DLL1: variants seen among roughly 807,000 people sequenced by gnomAD.
The protein encoded by DLL1 is delta like canonical Notch ligand 1.
DLL1 carries 9 observed loss-of-function variants against 75.1 expected under a neutral mutation model. That is an observed-to-expected ratio of 0.12 (90% CI 0.07 to 0.21). The LOEUF is 0.21. Among genes scored for constraint, DLL1 ranks in the 10% least tolerant of loss-of-function variants. The pLI is 1.00. For missense variants in DLL1, 837 were observed against 1,007.6 expected, an observed-to-expected ratio of 0.83 and a Z score of 2.29; for synonymous variants, 477 against 418.3, an observed-to-expected ratio of 1.14 and a Z score of -1.71.
rs1783630989 is a variant in DLL1 at position 170,283,838 on chromosome 6, G to A, written c.1441C>T (p.Pro481Ser). The change falls in exon 9 of 11, where the codon CCC (proline) becomes TCC (serine). Residue 481 changes from proline to serine, a missense_variant. Physicochemically the swap from Pro to Ser is moderately conservative, Grantham distance 74. Around this residue, in one of 2 missense-constraint regions of DLL1, gnomAD observed 533 missense variants for 545.7 expected, o/e 0.98. Coordinates refer to ENST00000366756, the MANE Select transcript of DLL1 (RefSeq NM_005618.4). The stretch of plus-strand genomic sequence containing the variant: ...GGTGCGTGCTCGCACCTGCTGACGG[G>A]GGCACTGCAGTTCCTGCCCGTGTAG... ...PGYTGRNCSA[P>S]VSRCEHAPCH... The A allele has an allele frequency of 6.2e-7, 1 of 1,603,510 alleles. No individual in the cohort carries two copies. Among genetic ancestry groups the A allele is most frequent in the Admixed American group, 1.7e-5 (1 of 59,646 alleles).
In DLL1 at chr6:170,289,544, G is replaced by T; in HGVS notation, c.319C>A (p.Pro107Thr). The T allele has an allele frequency of 6.5e-7, 1 of 1,535,098 alleles. No homozygotes were observed. Among genetic ancestry groups the T allele is most frequent in the Non-Finnish European group, 8.7e-7 (1 of 1,146,444 alleles). Residue 107 changes from proline to threonine, a missense_variant, in exon 2 of 11, where the codon CCC (proline) becomes ACC (threonine). Pro to Thr is a conservative substitution (Grantham distance 38). Coordinates refer to ENST00000366756, the MANE Select transcript of DLL1 (RefSeq NM_005618.4). ...GTGAAGCCGAAGGGGAAGCGGATGG[G>T]GTTGCTGAACGCGGAGTCGGCGCCC... ...GGGADSAFSN[P>T]IRFPFGFTWP... is the part of the protein sequence containing the mutation.
In DLL1 at chr6:170,283,394, T is replaced by C. The variant is rs940096863; in HGVS notation, c.1885A>G (p.Lys629Glu). The change falls in exon 9 of 11, where the codon AAG (lysine) becomes GAG (glutamate). Residue 629 changes from lysine (K) to glutamate (E), a missense_variant. Coordinates refer to ENST00000366756, the MANE Select transcript of DLL1 (RefSeq NM_005618.4). ...ADFHGDHSAD[K>E]NGFKARYPAV... ...GGGTAGCGGGCCTTGAAGCCATTCTTGTCGGCGCTGTGGTCCCCGTGGAAG... is the reference window on the plus strand; with the variant it reads ...GGGTAGCGGGCCTTGAAGCCATTCTCGTCGGCGCTGTGGTCCCCGTGGAAG... 1.9e-5 allele frequency: 31 copies of C among 1,610,518 alleles called. No individual in the cohort carries two copies. Among genetic ancestry groups the C allele is most frequent in the Non-Finnish European group, 2.5e-5 (30 of 1,179,350 alleles).
chr6:170,290,048 A>AC lies in DLL1; in HGVS notation c.54+37dup, dbSNP rs1406301192. ...GCCCCGCGCCCCGGCTACCCGTGAG[A>AC]CCCCGCGGGGCCGCGGCGCCCCCAC... On this transcript the variant is annotated intron_variant, in intron 1 of 10. Transcript: ENST00000366756. The surrounding 1 kb of genome is among the most constrained non-coding windows in gnomAD (Gnocchi z 4.7). 2.6e-6 allele frequency: 4 copies of AC among 1,556,640 alleles called. No homozygotes were observed. The highest frequency in any genetic ancestry group is 1.9e-4 in the Middle Eastern group (1 of 5,244).
chr6:170,289,830 C>A lies in DLL1; in HGVS notation c.55-22G>T, dbSNP rs1026359482. The stretch of plus-strand genomic sequence containing the variant: ...AGACCTGCACGGGGGAGGGCGGGGG[C>A]GTGAGGACGCGGGTCCCGCCCGAGC... On this transcript the variant is annotated intron_variant, in intron 1 of 10. Coordinates refer to ENST00000366756, the MANE Select transcript of DLL1 (RefSeq NM_005618.4). 8 of 1,548,490 alleles carry A rather than the reference C, an allele frequency of 5.2e-6. No individual in the cohort carries two copies. In the African/African-American group the frequency reaches 9.6e-5, roughly 19 times the overall value.
Position 170,285,570 on chromosome 6 carries a change from C to T in DLL1, c.861G>A (p.Gln287=). The part of the protein sequence containing the change: ...QEGWGGLFCN[Q]DLNYCTHHKP... ...CTGCCTCAGGGAGAGAAGGCTTACC[C>T]TGGTTGCAGAAAAGGCCCCCCCAGC... The change falls in exon 6 of 11, where the codon CAG becomes CAA. Residue 287 remains glutamine (Q), a splice_region_variant and synonymous_variant. Coordinates refer to ENST00000366756, the MANE Select transcript of DLL1 (RefSeq NM_005618.4). The T allele has an allele frequency of 6.2e-7, 1 of 1,614,150 alleles. No individual in the cohort carries two copies. The highest frequency in any genetic ancestry group is 8.5e-7 in the Non-Finnish European group (1 of 1,180,034).
At chr6:170,286,175 A>G in intron 5 of DLL1, 63 bp downstream of exon 5, 1 of 1,602,624 alleles carries the variant, frequency 6.2e-7, no homozygotes, top group Non-Finnish European at 8.5e-7. Context: ...TTACAAATAC[A>G]CCAGCTGTGA....
chr6:170,288,657 G>C, intron 3 of DLL1, 72 bp downstream of exon 3: 1 of 1,609,394 alleles, frequency 6.2e-7, no homozygotes, highest in South Asian at 1.1e-5. Context: ...GGGTTTGGCT[G>C]GGGGATGGGT....
At position 170,283,282 on chromosome 6, in the gene DLL1, T is replaced by C. The variant is rs1461321498; in HGVS notation, c.1997A>G (p.Gln666Arg). ...CTCCTCCCCTGAGGAGCCCTGGGGC[T>C]GGCACTTGGTGTCACGCTTGCTGTG... ...DAHSKRDTKC[Q>R]PQGSSGEEKG... The change falls in exon 9 of 11, where the codon CAG becomes CGG. Residue 666 changes from glutamine (Q) to arginine (R), a missense_variant. Coordinates refer to ENST00000366756, the MANE Select transcript of DLL1 (RefSeq NM_005618.4). 9 of 1,613,204 alleles carry C rather than the reference T, an allele frequency of 5.6e-6. No homozygotes were observed. The East Asian group carries it at 2.0e-4, about 36-fold the overall frequency.
intron 8 of DLL1, 54 bp downstream of exon 8, chr6:170,284,865 C>A: frequency 6.4e-7 from 1 of 1,563,066 alleles, no homozygotes; most frequent in South Asian, 1.1e-5. Context: ...TTAATGCCAC[C>A]TCAGTATTGA....
Position 170,285,654 on chromosome 6 carries a change from G to C in DLL1, c.777C>G (p.Arg259=). The C allele has an allele frequency of 6.2e-7, 1 of 1,614,076 alleles. No individual in the cohort carries two copies. Among genetic ancestry groups the C allele is most frequent in the Admixed American group, 1.7e-5 (1 of 60,028 alleles). Residue 259 remains arginine (R), a synonymous_variant, in exon 6 of 11, where the codon CGC becomes CGG. Transcript: ENST00000366756. ...WQGRYCDECI[R]YPGCLHGTCQ... ...AGGTGCCATGGAGACAGCCTGGATA[G>C]CGGATACACTCGTCACAGTACCGGC...
chr6:170,289,740 G>A lies in DLL1; in HGVS notation c.123C>T (p.Asn41=). The A allele has an allele frequency of 1.3e-6, 2 of 1,551,794 alleles. No individual in the cohort carries two copies. The highest frequency in any genetic ancestry group is 8.7e-7 in the Non-Finnish European group (1 of 1,147,668). Residue 41 remains asparagine, a synonymous_variant, in exon 2 of 11, where the codon AAC becomes AAT. Coordinates refer to ENST00000366756, the MANE Select transcript of DLL1 (RefSeq NM_005618.4). ...EFVNKKGLLG[N]RNCCRGGAGP... is the part of the protein sequence containing the mutation. ...CCGCGCCCCCGCGGCAGCAGTTGCG[G>A]TTCCCCAGCAGCCCCTTCTTGTTGA...
chr6:170,288,182 T>G, intron 4 of DLL1, 57 bp downstream of exon 4: 1 of 1,612,418 alleles, frequency 6.2e-7, no homozygotes, highest in Non-Finnish European at 8.5e-7. Context: ...GCCCCGTCCC[T>G]GCGCGCGGTC....
chr6:170,289,875 G>C (rs1783812049), intron 1 of DLL1, 67 bp from the exon 2 acceptor site: 16 of 1,492,568 alleles, frequency 1.1e-5, no homozygotes, highest in Non-Finnish European at 1.4e-5. Context: ...TGAGGCCTGG[G>C]TGGGGGGTGT....
In DLL1 at chr6:170,288,471, G is replaced by A. The variant is rs750710671; in HGVS notation, c.438C>T (p.Arg146=). 6.8e-5 allele frequency: 110 copies of A among 1,613,996 alleles called. No homozygotes were observed. The highest frequency in any genetic ancestry group is 9.0e-5 in the Non-Finnish European group (106 of 1,180,058). Residue 146 remains arginine (R), a synonymous_variant, in exon 4 of 11, where the codon CGC becomes CGT. Coordinates refer to ENST00000366756, the MANE Select transcript of DLL1 (RefSeq NM_005618.4). ...CCGTCAGGTGCCTCTGGGTGGCCAGGCGGCTGATGAGTCTTTCTGGGTTTT... is the reference window on the plus strand; with the variant it reads ...CCGTCAGGTGCCTCTGGGTGGCCAGACGGCTGATGAGTCTTTCTGGGTTTT... ...ATENPERLIS[R]LATQRHLTVG...
intron 2 of DLL1, 158 bp downstream of exon 2, chr6:170,289,354 T>A (rs1783792652): frequency 8.2e-7 from 1 of 1,220,696 alleles, no homozygotes; most frequent in African/African-American, 1.5e-5. Context: ...GCTGCTGGGC[T>A]GGAGTCCTGG....
At position 170,285,150 on chromosome 6, in the gene DLL1, G is replaced by A. The variant is rs749454851; in HGVS notation, c.1033-15C>T. 1.2e-6 allele frequency: 2 copies of A among 1,613,902 alleles called. No homozygotes were observed. The highest frequency in any genetic ancestry group is 3.3e-5 in the Admixed American group (2 of 60,000). On this transcript the variant is annotated splice_polypyrimidine_tract_variant and intron_variant, in intron 7 of 10. Transcript: ENST00000366756. ...TTCTCGAGATCCTACACGATGGAGA[G>A]GTCAGAAAAGGCTTTCCAAAGTTGC...
At position 170,285,105 on chromosome 6, in the gene DLL1, G is replaced by A; in HGVS notation, c.1063C>T (p.Pro355Ser). ...CAGATTTTGCCGTAGAAGCCGGGTG[G>A]GCAGGTACAGGAGTAGCTGTTCTCG... ...DLENSYSCTC[P>S]PGFYGKICEL... The change falls in exon 8 of 11, where the codon CCA (proline) becomes TCA (serine). Residue 355 changes from proline (P) to serine (S), a missense_variant. Around this residue, in one of 2 missense-constraint regions of DLL1, gnomAD observed 533 missense variants for 545.7 expected, o/e 0.98. Transcript: ENST00000366756. 1 of 1,614,068 alleles carries A rather than the reference G, an allele frequency of 6.2e-7. No homozygotes were observed. Among genetic ancestry groups the A allele is most frequent in the Non-Finnish European group, 8.5e-7 (1 of 1,180,024 alleles).
At chr6:170,287,166 G>A (rs974127870) in intron 4 of DLL1, among the ~76,000 whole-genome samples, 3 of 152,168 alleles carry the variant, frequency 2.0e-5, no homozygotes, top group Non-Finnish European at 1.5e-5. Flanking sequence ...CCAAGGCAAA[G>A]CTTAGAAGGA....
intron 2 of DLL1, 22 bp from the exon 3 acceptor site, chr6:170,288,811 G>A (rs140404904): frequency 1.1e-5 from 18 of 1,613,864 alleles, no homozygotes; most frequent in South Asian, 2.2e-5. Flanking sequence ...GGGAGAAGAC[G>A]TTAGACAACC....
Sources: gnomAD v4.1 joint callset for allele counts (sites outside exome capture counted in the v4.1 genomes callset) on GRCh38, gnomAD v4.1.1 for gene constraint, gnomAD v4.1.1 regional missense constraint, Gnocchi (gnomAD v3.1) non-coding constraint, MANE v1.5 for transcripts, NCBI Gene and HGNC (gene_info 2026-07-23, HGNC 2026-07-21) for gene names.